CCDC30: variants seen among roughly 807,000 people sequenced by gnomAD.
CCDC30 encodes coiled-coil domain containing 30.
A neutral mutation model predicts 100.2 loss-of-function variants in CCDC30; 70 were observed. The observed-to-expected ratio is 0.70, with a 90% confidence interval of 0.58 to 0.85. The LOEUF is 0.85. Among genes scored for constraint, CCDC30 ranks in the 40% least tolerant of loss-of-function variants. CCDC30 has a pLI of 0.00. For missense variants in CCDC30, 652 were observed against 771.2 expected (o/e 0.85, Z 1.83); for synonymous variants, 233 against 269.5 (o/e 0.86, Z 1.33).
chr1:42,458,310 GGAA>G (rs1418140981), upstream of CCDC30, among the ~76,000 whole-genome samples: 2 of 152,180 alleles, frequency 1.3e-5, no homozygotes, highest in Non-Finnish European at 2.9e-5. Context: ...TGTAGGTTAA[GGAA>G]GAAATATGGA....
chr1:42,584,116 T>C (rs1646021297), intron 9 of CCDC30, among the ~76,000 whole-genome samples: 1 of 152,160 alleles, frequency 6.6e-6, no homozygotes, highest in South Asian at 2.1e-4. Context: ...GCTCCAACCT[T>C]CCACCTGGAA....
chr1:42,518,134 AT>A (rs769831577), intron 6 of CCDC30, among the ~76,000 whole-genome samples: 1 of 152,024 alleles, frequency 6.6e-6, no homozygotes, highest in East Asian at 1.9e-4. Context: ...CATCTTCCTA[AT>A]TTTTTCACCA....
intron 11 of CCDC30, among the ~76,000 whole-genome samples, chr1:42,620,594 A>AAAG (rs1646812122): frequency 6.6e-6 from 1 of 151,968 alleles, no homozygotes; most frequent in Admixed American, 6.6e-5. Context: ...AAAAAAAAAA[A>AAAG]AAAGTAACTT....
At chr1:42,592,528 C>T in intron 10 of CCDC30, 1 of 152,008 alleles carries the variant, frequency 6.6e-6, no homozygotes, top group Non-Finnish European at 1.5e-5. Flanking sequence ...GCCTTGGCAA[C>T]ATGGAGAAAT....
At chr1:42,492,752 A>C (rs1020038829) in intron 4 of CCDC30, among the ~76,000 whole-genome samples, 1 of 152,030 alleles carries the variant, frequency 6.6e-6, no homozygotes, top group Non-Finnish European at 1.5e-5. Context: ...GGTTCAAGCA[A>C]TTCTCTGCCT....
At chr1:42,543,870 G>A (rs929952560) in intron 6 of CCDC30, among the ~76,000 whole-genome samples, 2 of 152,128 alleles carry the variant, frequency 1.3e-5, no homozygotes, top group East Asian at 3.8e-4. Flanking sequence ...GGAAACCAAA[G>A]GGATCTCTTA....
chr1:42,640,557 C>CT (rs1382141548), intron 12 of CCDC30, among the ~76,000 whole-genome samples: 2 of 152,092 alleles, frequency 1.3e-5, no homozygotes, highest in Non-Finnish European at 2.9e-5. Context: ...TCTGGAATAG[C>CT]TTTTTCGGAA....
At chr1:42,532,722 G>A (rs956670807) in intron 6 of CCDC30, among the ~76,000 whole-genome samples, 3 of 152,146 alleles carry the variant, frequency 2.0e-5, no homozygotes, top group African/African-American at 7.2e-5. Flanking sequence ...ATGGCTGGTC[G>A]TTATGAGAGC....
chr1:42,613,237 C>A (rs1036153525), intron 11 of CCDC30, among the ~76,000 whole-genome samples: 1 of 122,436 alleles, frequency 8.2e-6, no homozygotes, highest in East Asian at 2.3e-4. Flanking sequence ...GGATTATTCA[C>A]GTGCTTTATT....
intron 6 of CCDC30, among the ~76,000 whole-genome samples, chr1:42,516,620 C>T (rs1011049608): frequency 4.6e-5 from 7 of 151,360 alleles, no homozygotes; most frequent in Non-Finnish European, 7.4e-5. Context: ...TCTCTCTTGC[C>T]TTCTCTTTTT....
chr1:42,583,820 T>C (rs1317604763), intron 9 of CCDC30, among the ~76,000 whole-genome samples: 1 of 152,178 alleles, frequency 6.6e-6, no homozygotes, highest in Admixed American at 6.5e-5. Flanking sequence ...GGGCAAACAA[T>C]CATGAAATGA....
Position 42,625,569 on chromosome 1 carries a change from G to A in CCDC30, c.1278-11668G>A, listed in dbSNP as rs564872357. Among the ~76,000 whole-genome samples, 5 of 151,750 alleles carry A rather than the reference G, an allele frequency of 3.3e-5. No individual in the cohort carries two copies. In the East Asian group the frequency reaches 5.8e-4, roughly 18 times the overall value. On this transcript the variant is annotated intron_variant, in intron 11 of 16. Coordinates refer to ENST00000668663, the Ensembl canonical transcript of CCDC30. Reference sequence around the variant, plus strand: ...GTATGTTGTGTTTCCATTATCATTCGTTTCAATAAATTTTTCAATTTCCTT... The same window carrying A: ...GTATGTTGTGTTTCCATTATCATTCATTTCAATAAATTTTTCAATTTCCTT...
upstream of CCDC30, among the ~76,000 whole-genome samples, chr1:42,462,548 G>GT (rs1229529367): frequency 6.6e-6 from 1 of 152,184 alleles, no homozygotes; most frequent in African/African-American, 2.4e-5. Context: ...GGGAACTAGA[G>GT]TAAGACCAAG....
rs543895977 is a variant in CCDC30 at position 42,529,603 on chromosome 1, A to G, written c.456+30687A>G. ...GTTCTCTCTTAATCTTTCATGAAGG[A>G]AAAGCCTCAAGATTTCTTGATGGTG... On this transcript the variant is annotated intron_variant, in intron 6 of 16. Transcript: ENST00000668663. 14 of 152,372 alleles carry G rather than the reference A, an allele frequency of 9.2e-5. 1 individual carries two copies. The highest frequency in any genetic ancestry group is 3.4e-4 in the African/African-American group (14 of 41,598). 9.4% of individuals were successfully genotyped at this position (152,372 alleles called of 1,614,324 possible). A position where few individuals can be genotyped will look rare whatever the true frequency, so the allele number is the denominator to read the frequency against.
At chr1:42,577,223 G>A in exon 8 of CCDC30, 1 of 1,608,314 alleles carries the variant, frequency 6.2e-7, no homozygotes, top group East Asian at 2.2e-5. Context: ...CTGATGCAGA[G>A]GAAAAGGTAA....
At chr1:42,456,712 G>T in the CCDC30 span, 66 of 1,608,898 alleles carry the variant, frequency 4.1e-5, no homozygotes, top group African/African-American at 5.5e-4. Context: ...AGGTCCCACT[G>T]GAAGCGCGGC....
intron 10 of CCDC30, among the ~76,000 whole-genome samples, chr1:42,601,371 G>A (rs1201153855): frequency 2.0e-5 from 3 of 152,108 alleles, no homozygotes; most frequent in African/African-American, 7.2e-5. Flanking sequence ...GAGGGGATTG[G>A]GACTAACAAC....
At chr1:42,564,592 A>T (rs563375552) in intron 6 of CCDC30, among the ~76,000 whole-genome samples, 1 of 152,328 alleles carries the variant, frequency 6.6e-6, no homozygotes, top group East Asian at 1.9e-4. Context: ...CAAATGTTGT[A>T]TGTTTGTGAT....
At chr1:42,570,624 C>T (rs1428775212) in intron 7 of CCDC30, among the ~76,000 whole-genome samples, 1 of 152,164 alleles carries the variant, frequency 6.6e-6, no homozygotes, top group East Asian at 1.9e-4. Flanking sequence ...TAATAACTCT[C>T]TTGCTTTACT....
Sources: gnomAD v4.1 joint callset for allele counts (sites outside exome capture counted in the v4.1 genomes callset) on GRCh38, gnomAD v4.1.1 for gene constraint, MANE v1.5 for transcripts, NCBI Gene and HGNC (gene_info 2026-07-23, HGNC 2026-07-21) for gene names.